AGBL1: variants seen among roughly 807,000 people sequenced by gnomAD.
The protein encoded by AGBL1 is cytosolic carboxypeptidase 4.
AGBL1 carries 130 observed loss-of-function variants against 118.9 expected under a neutral mutation model. The observed-to-expected ratio is 1.09, with a 90% CI of 0.95 to 1.26. The LOEUF (loss-of-function observed/expected upper bound fraction) is 1.26. Among genes scored for constraint, AGBL1 ranks in the 50% most tolerant of loss-of-function variants. The probability of loss-of-function intolerance (pLI) is 0.00; values close to 1 mark genes in which losing one functional copy is unlikely to be tolerated. For missense variants in AGBL1, 1,584 were observed against 1,298.1 expected (o/e 1.22, Z -3.38); for synonymous variants, 555 against 478.9 (o/e 1.16, Z -2.08).
intron 17 of AGBL1, among the ~76,000 whole-genome samples, chr15:86,348,901 C>T (rs1300902204): frequency 9.2e-5 from 14 of 151,712 alleles, no homozygotes; most frequent in Non-Finnish European, 1.6e-4. Context: ...TGAATGTGAT[C>T]ATGTTGAGGA....
chr15:86,131,372 C>G (rs1227881994), intron 1 of AGBL1, among the ~76,000 whole-genome samples: 1 of 152,112 alleles, frequency 6.6e-6, no homozygotes, highest in African/African-American at 2.4e-5. Context: ...TTAAAATCAT[C>G]ACAGTTTGGA....
chr15:86,560,872 G>A (rs887717429), intron 21 of AGBL1, among the ~76,000 whole-genome samples: 20 of 152,158 alleles, frequency 1.3e-4, no homozygotes, highest in African/African-American at 4.8e-4. Flanking sequence ...GTTTTGATTT[G>A]CATTTCTCTG....
intron 6 of AGBL1, among the ~76,000 whole-genome samples, chr15:86,226,610 C>T (rs942552362): frequency 6.6e-6 from 1 of 152,166 alleles, no homozygotes; most frequent in African/African-American, 2.4e-5. Context: ...GAACACAATG[C>T]CTCAGCCCAG....
intron 22 of AGBL1, among the ~76,000 whole-genome samples, chr15:86,794,653 C>T (rs1432091420): frequency 6.6e-6 from 1 of 151,958 alleles, no homozygotes; most frequent in Non-Finnish European, 1.5e-5. Flanking sequence ...AAAAAACATG[C>T]AGGGTCTCAT....
At chr15:86,687,927 C>A (rs1042822061) in intron 22 of AGBL1, among the ~76,000 whole-genome samples, 1 of 152,132 alleles carries the variant, frequency 6.6e-6, no homozygotes, top group African/African-American at 2.4e-5. Flanking sequence ...ATCCCAGGCA[C>A]AGTTCCCCTA....
intron 15 of AGBL1, among the ~76,000 whole-genome samples, chr15:86,277,814 T>G (rs1290030900): frequency 6.6e-6 from 1 of 152,268 alleles, no homozygotes; most frequent in African/African-American, 2.4e-5. Flanking sequence ...TGTTTCCATC[T>G]GCCTTTACAT....
intron 22 of AGBL1, among the ~76,000 whole-genome samples, chr15:86,897,556 C>A (rs2080145843): frequency 6.6e-6 from 1 of 151,348 alleles, no homozygotes; most frequent in African/African-American, 2.4e-5. Flanking sequence ...TTCAATGTTT[C>A]TTTCATATTT....
chr15:86,108,673 G>A (rs1897189172), intron 1 of AGBL1, among the ~76,000 whole-genome samples: 1 of 152,278 alleles, frequency 6.6e-6, no homozygotes, highest in Admixed American at 6.5e-5. Flanking sequence ...AGGAGCGGGA[G>A]CATGGCCAGG....
intron 18 of AGBL1, among the ~76,000 whole-genome samples, chr15:86,438,099 G>T (rs973459894): frequency 1.3e-5 from 2 of 151,890 alleles, no homozygotes; most frequent in African/African-American, 4.8e-5. Flanking sequence ...GTAGAAATGG[G>T]ATTTCACCAT....
chr15:86,567,367 TTCTA>T (rs1286497020), intron 21 of AGBL1, among the ~76,000 whole-genome samples: 1 of 152,220 alleles, frequency 6.6e-6, no homozygotes, highest in East Asian at 1.9e-4. Context: ...CACTCATTTA[TTCTA>T]TCTGTCAAAA....
At chr15:86,405,356 C>A (rs188978256) in intron 18 of AGBL1, among the ~76,000 whole-genome samples, 5,986 of 139,768 alleles carry the variant, frequency 0.043, 172 homozygotes, top group East Asian at 0.13. Flanking sequence ...TTAAAAAATA[C>A]CAAAAAAAAA....
At chr15:86,888,994 G>C (rs889964035) in intron 22 of AGBL1, among the ~76,000 whole-genome samples, 6 of 152,084 alleles carry the variant, frequency 3.9e-5, no homozygotes, top group African/African-American at 1.4e-4. Flanking sequence ...GTAAAGACTG[G>C]CACTAAAGGA....
intron 21 of AGBL1, among the ~76,000 whole-genome samples, chr15:86,595,652 T>G (rs764597724): frequency 1.3e-5 from 2 of 152,202 alleles, no homozygotes; most frequent in Non-Finnish European, 2.9e-5. Context: ...TCACCTGACA[T>G]GTTCTTCTTT....
chr15:86,880,026 CT>C (rs1182418859), intron 22 of AGBL1, among the ~76,000 whole-genome samples: 4 of 152,198 alleles, frequency 2.6e-5, no homozygotes, highest in African/African-American at 9.6e-5. Context: ...TGGCCTGAGA[CT>C]AGTGGAGTCC....
intron 5 of AGBL1, among the ~76,000 whole-genome samples, chr15:86,191,835 G>A (rs2077726614): frequency 6.6e-6 from 1 of 151,374 alleles, no homozygotes; most frequent in Non-Finnish European, 1.5e-5. Context: ...TAGAGCTTTA[G>A]GAGGCCAAGG....
chr15:86,196,046 A>G (rs896463060), intron 5 of AGBL1, among the ~76,000 whole-genome samples: 2 of 152,208 alleles, frequency 1.3e-5, no homozygotes, highest in African/African-American at 4.8e-5. Context: ...ACCATAGGAT[A>G]TCTGATTTTT....
intron 23 of AGBL1, among the ~76,000 whole-genome samples, chr15:86,950,955 C>T (rs55757236): frequency 0.039 from 5,928 of 152,038 alleles, 159 homozygotes; most frequent in Middle Eastern, 0.071. Flanking sequence ...GTGAGATAAA[C>T]GAAGTGTGTC....
chr15:86,408,486 C>T (rs760619760), intron 18 of AGBL1, among the ~76,000 whole-genome samples: 1 of 152,198 alleles, frequency 6.6e-6, no homozygotes, highest in Non-Finnish European at 1.5e-5. Flanking sequence ...CTCAACTGCT[C>T]TTCCTGGGAG....
intron 18 of AGBL1, among the ~76,000 whole-genome samples, chr15:86,465,381 C>T (rs903630335): frequency 4.6e-5 from 7 of 152,010 alleles, no homozygotes; most frequent in South Asian, 2.1e-4. Flanking sequence ...GTTTGTAAAG[C>T]GTGTGTGTTT....
Sources: allele counts gnomAD v4.1 joint callset (sites outside exome capture counted in the v4.1 genomes callset), GRCh38; gene constraint gnomAD v4.1.1; transcripts MANE v1.5; gene names NCBI Gene and HGNC (gene_info 2026-07-23, HGNC 2026-07-21).